Variants in DHX33 observed in about 807,000 individuals in gnomAD.
DHX33 encodes the protein DEAH-box helicase 33.
In DHX33, 42 loss-of-function variants were observed where a neutral mutation model predicts 72.5. The observed-to-expected ratio is 0.58, with a 90% confidence interval of 0.45 to 0.75. The LOEUF (loss-of-function observed/expected upper bound fraction) is 0.75. DHX33 is among the 30% of genes least tolerant of loss of function. The pLI is 0.00. For missense variants in DHX33, 842 were observed against 917.5 expected (o/e 0.92, Z 1.06); for synonymous variants, 358 against 366.1 (o/e 0.98, Z 0.25).
intron 1 of DHX33, among the ~76,000 whole-genome samples, chr17:5,465,126 C>A (rs1449013131): frequency 7.2e-5 from 11 of 152,184 alleles, no homozygotes; most frequent in African/African-American, 1.7e-4. Flanking sequence ...TTACTTCCTA[C>A]CCTGTGTGAA....
chr17:5,450,795 G>T lies in DHX33; in HGVS notation c.1524+12C>A. On this transcript the variant is annotated intron_variant, in intron 9 of 11. Transcript: ENST00000225296. ...TGTACAGAAAGAGGACTGAGGAGAG[G>T]GTATCATTTACTTTGGCAAATTTGG... 1 of 1,614,056 alleles carries T rather than the reference G, an allele frequency of 6.2e-7. No homozygotes were observed.
Position 5,453,949 on chromosome 17 carries a change from C to T in DHX33, c.1179G>A (p.Arg393=). 6.2e-7 allele frequency: 1 copy of T among 1,613,992 alleles called. No individual in the cohort carries two copies. Among genetic ancestry groups the T allele is most frequent in the Non-Finnish European group, 8.5e-7 (1 of 1,180,002 alleles). ...GCTGCCAAGCCTGCGTCTTCGATAC[C>T]CGCTGCACTGCTAACACCTCAAGAC... The part of the protein sequence containing the change: ...DSGLEVLAVQ[R]VSKTQAWQRT... The change falls in exon 7 of 12, where the codon CGG becomes CGA. Residue 393 remains arginine, a synonymous_variant. Transcript: ENST00000225296.
At position 5,445,443 on chromosome 17, in the gene DHX33, G is replaced by A. The variant is rs114354250; in HGVS notation, c.1816-930C>T. Among the ~76,000 whole-genome samples, 1,337 of 152,220 alleles carry A rather than the reference G, an allele frequency of 8.8e-3. 20 individuals carry two copies. The highest frequency in any genetic ancestry group is 0.03 in the African/African-American group (1,256 of 41,522). Reference sequence around the variant, plus strand: ...TGGCTGCCTTCTCTTTCCTCGCCCCGTTTCATGATTCCTATCTGTGCCTTC... The same window carrying A: ...TGGCTGCCTTCTCTTTCCTCGCCCCATTTCATGATTCCTATCTGTGCCTTC... On this transcript the variant is annotated intron_variant, in intron 11 of 11. Transcript: ENST00000225296.
At chr17:5,449,754 C>T (rs1486251373) in intron 10 of DHX33, among the ~76,000 whole-genome samples, 2 of 152,152 alleles carry the variant, frequency 1.3e-5, no homozygotes, top group African/African-American at 4.8e-5. Flanking sequence ...AGTTTTTCAA[C>T]TGCACGAAGC....
chr17:5,458,863 G>A (rs1904452140), intron 4 of DHX33, among the ~76,000 whole-genome samples: 1 of 152,116 alleles, frequency 6.6e-6, no homozygotes, highest in African/African-American at 2.4e-5. Context: ...TAAACTACTT[G>A]ACTTTTTAAA....
In DHX33 at chr17:5,455,270, C is replaced by T; in HGVS notation, c.1037G>A (p.Gly346Asp). ...QLRVFQGAPK[G>D]YRKVIISTNI... ...GGTTGAAATGATCACTTTGCGATAG[C>T]CCTAAAAGGAGGAAGAAAACCAAAA... is the stretch of plus-strand genomic sequence containing the variant. The change falls in exon 6 of 12, where the codon GGC becomes GAC. Residue 346 changes from glycine (G) to aspartate (D), a missense_variant and splice_region_variant. Coordinates refer to ENST00000225296, the MANE Select transcript of DHX33 (RefSeq NM_020162.4). 4 of 1,613,666 alleles carry T rather than the reference C, an allele frequency of 2.5e-6. No homozygotes were observed. Among genetic ancestry groups the T allele is most frequent in the Non-Finnish European group, 2.5e-6 (3 of 1,179,674 alleles).
chr17:5,464,229 C>T (rs1334058268), intron 1 of DHX33, among the ~76,000 whole-genome samples: 1 of 152,018 alleles, frequency 6.6e-6, no homozygotes, highest in Non-Finnish European at 1.5e-5. Flanking sequence ...ACTCTGAAGG[C>T]TGAGGTGGGC....
rs779056958 is a variant in DHX33 at position 5,468,807 on chromosome 17, C to A, written c.53G>T (p.Gly18Val). The A allele has an allele frequency of 3.1e-6, 5 of 1,591,902 alleles. No homozygotes were observed. In the Admixed American group the frequency reaches 8.8e-5, roughly 28 times the overall value. Residue 18 changes from glycine to valine, a missense_variant, in exon 1 of 12, where the codon GGA (glycine) becomes GTA (valine). Physicochemically the swap from Gly to Val is moderately radical, Grantham distance 109. Transcript: ENST00000225296. ...PPAKRFRPGS[G>V]PPSRAGSFPP... is the part of the protein sequence containing the mutation. Reference sequence around the variant, plus strand: ...GAAGGACCCAGCGCGGCTCGGAGGTCCAGAGCCTGGCCGGAATCTCTTGGC... The same window carrying A: ...GAAGGACCCAGCGCGGCTCGGAGGTACAGAGCCTGGCCGGAATCTCTTGGC...
At chr17:5,454,120 C>A (rs1471285599) in intron 6 of DHX33, 140 bp from the exon 7 acceptor site, 6 of 935,074 alleles carry the variant, frequency 6.4e-6, no homozygotes, top group Non-Finnish European at 9.4e-6. Flanking sequence ...ATGGACAGCA[C>A]AAAACCAGAC....
chr17:5,445,858 A>G (rs1916639227), intron 11 of DHX33, among the ~76,000 whole-genome samples: 1 of 152,078 alleles, frequency 6.6e-6, no homozygotes, highest in Non-Finnish European at 1.5e-5. Flanking sequence ...CTGTGACTCT[A>G]TTTCCTGCCT....
Position 5,450,258 on chromosome 17 carries a change from TC to T in DHX33, c.1672del (p.Asp558IlefsTer3). 6.2e-7 allele frequency: 1 copy of T among 1,614,136 alleles called. No homozygotes were observed. Among genetic ancestry groups the T allele is most frequent in the Non-Finnish European group, 8.5e-7 (1 of 1,180,024 alleles). On this transcript the variant is annotated frameshift_variant, in exon 10 of 12. Transcript: ENST00000225296. LOFTEE classifies it high-confidence loss of function. ...ATAGATATTGAGCAGGGTCATGTGA[TC>T]CCCCTCGCTGGATATGAACTTCTTG... ...VRKKFISSEG[D>X]HMTLLNIYRT...
intron 9 of DHX33, 37 bp downstream of exon 9, chr17:5,450,770 T>C (rs1000342569): frequency 1.2e-6 from 2 of 1,613,676 alleles, no homozygotes; most frequent in African/African-American, 1.3e-5. Context: ...TTAACTGTAA[T>C]GTACAGAAAG....
At position 5,444,059 on chromosome 17, in the gene DHX33, A is replaced by G; in HGVS notation, c.*146T>C. On this transcript the variant is annotated 3_prime_UTR_variant, in exon 12 of 12. Coordinates refer to ENST00000225296, the MANE Select transcript of DHX33 (RefSeq NM_020162.4). The surrounding 1 kb of genome is among the most constrained non-coding windows in gnomAD (Gnocchi z 4.9). ...CTATATGGTTCAGTCCCAGGAGTTG[A>G]GCAAAGATGCTTTCACGCTCCTGGA... The G allele has an allele frequency of 1.1e-6, 1 of 881,990 alleles. No homozygotes were observed. 54.6% of individuals were successfully genotyped at this position (881,990 alleles called of 1,614,324 possible). A position where few individuals can be genotyped will look rare whatever the true frequency, so the allele number is the denominator to read the frequency against.
chr17:5,462,369 C>CCACT lies in DHX33; in HGVS notation c.624_627dup (p.Val210SerfsTer61). On this transcript the variant is annotated frameshift_variant, in exon 3 of 12. Coordinates refer to ENST00000225296, the MANE Select transcript of DHX33 (RefSeq NM_020162.4). LOFTEE classifies it high-confidence loss of function. ...TTTCTCCTCTTCTGTGCAGCTTTCA[C>CCACT]CACTCCAAAGAGCACATCTGTGTGG... is the stretch of plus-strand genomic sequence containing the variant. The CCACT allele has an allele frequency of 6.2e-7, 1 of 1,614,202 alleles. No individual in the cohort carries two copies. Among genetic ancestry groups the CCACT allele is most frequent in the African/African-American group, 1.3e-5 (1 of 75,058 alleles).
In DHX33 at chr17:5,463,573, CA is replaced by C. The variant is rs1904737603; in HGVS notation, c.405del (p.Ala136LeufsTer35). 2 of 1,614,010 alleles carry C rather than the reference CA, an allele frequency of 1.2e-6. No individual in the cohort carries two copies. The highest frequency in any genetic ancestry group is 2.7e-5 in the African/African-American group (2 of 74,914). On this transcript the variant is annotated frameshift_variant, in exon 2 of 12. Coordinates refer to ENST00000225296, the MANE Select transcript of DHX33 (RefSeq NM_020162.4). LOFTEE classifies it high-confidence loss of function. ...CTCTTCTCATCTGAGACTCTAGTAG[CA>C]AGAGAGATGGCAGCTACTCGACGAG... is the stretch of plus-strand genomic sequence containing the variant. Reference protein sequence around the residue: ...TQPRRVAAISLATRVSDEKRT... With the variant: ...TQPRRVAAISXATRVSDEKRT...
chr17:5,447,892 T>C (rs570760909), intron 11 of DHX33, among the ~76,000 whole-genome samples: 1 of 152,056 alleles, frequency 6.6e-6, no homozygotes, highest in Admixed American at 6.5e-5. Context: ...GAAATACGCA[T>C]GTGAGGCCAG....
rs1260388166 is a variant in DHX33 at position 5,468,736 on chromosome 17, C to T, written c.124G>A (p.Gly42Ser). The part of the protein sequence containing the change: ...VVMLLTAGSG[G>S]RGGGGGRRQQ... ...CTCCGGCCTCCTCCTCCTCCTCTGC[C>T]GCCGCTGCCCGCAGTCAGCAGCATC... is the stretch of plus-strand genomic sequence containing the variant. Residue 42 changes from glycine (G) to serine (S), a missense_variant, in exon 1 of 12, where the codon GGC becomes AGC. Gly to Ser is a moderately conservative substitution (Grantham distance 56, BLOSUM62 0). Transcript: ENST00000225296. 6.2e-6 allele frequency: 10 copies of T among 1,611,078 alleles called. No individual in the cohort carries two copies. Among genetic ancestry groups the T allele is most frequent in the Non-Finnish European group, 8.5e-6 (10 of 1,179,102 alleles).
chr17:5,459,217 A>T (rs1410313931), intron 4 of DHX33, among the ~76,000 whole-genome samples: 1 of 152,200 alleles, frequency 6.6e-6, no homozygotes, highest in Non-Finnish European at 1.5e-5. Flanking sequence ...TAAATTAATT[A>T]AATAAAAAGT....
intron 4 of DHX33, 139 bp from the exon 5 acceptor site, chr17:5,456,321 CT>C: frequency 1.0e-6 from 1 of 981,458 alleles, no homozygotes; most frequent in South Asian, 1.6e-5. Flanking sequence ...AAGTTGATGT[CT>C]AGCTTGGAGA....
Sources: allele counts gnomAD v4.1 joint callset (sites outside exome capture counted in the v4.1 genomes callset), GRCh38; gene constraint gnomAD v4.1.1; non-coding constraint Gnocchi (gnomAD v3.1); transcripts MANE v1.5; gene names NCBI Gene and HGNC (gene_info 2026-07-23, HGNC 2026-07-21).